Variants in DST observed in about 807,000 individuals in gnomAD.
DST encodes the protein dystonin.
Under a neutral mutation model 875.2 loss-of-function variants are expected in DST, and 253 were observed. The ratio of observed to expected loss-of-function variants is 0.29; its 90% CI spans 0.26 to 0.32. DST has a LOEUF of 0.32. DST is among the 10% of genes least tolerant of loss of function. DST has a pLI of 1.00. For missense variants in DST, 8,287 were observed against 9,111.6 expected (o/e 0.91, Z 3.68); for synonymous variants, 3,124 against 3,197.1 (o/e 0.98, Z 0.77).
In DST at chr6:56,666,687, C is replaced by T. The variant is rs118179060; in HGVS notation, c.1214+3954G>A. 1.7e-4 allele frequency among the ~76,000 whole-genome samples: 25 copies of T among 151,386 alleles called. No homozygotes were observed. In the East Asian group the frequency reaches 2.1e-3, roughly 13 times the overall value. On this transcript the variant is annotated intron_variant, in intron 10 of 103. Coordinates refer to ENST00000680361, the MANE Select transcript of DST (RefSeq NM_001374736.1). ...CAACAAATCCAAATACAGCACAAAACTTATGGGAATAATTATCAAGTAAAA... is the reference window on the plus strand; with the variant it reads ...CAACAAATCCAAATACAGCACAAAATTTATGGGAATAATTATCAAGTAAAA...
At chr6:56,552,036 G>A in intron 61 of DST, 148 bp downstream of exon 61, 1 of 876,458 alleles carries the variant, frequency 1.1e-6, no homozygotes, top group East Asian at 2.7e-5. Context: ...ACCTGCCTGG[G>A]TGTTACCCCC....
At chr6:56,588,016 T>G (rs1004500275) in intron 49 of DST, among the ~76,000 whole-genome samples, 1 of 150,956 alleles carries the variant, frequency 6.6e-6, no homozygotes, top group Non-Finnish European at 1.5e-5. Context: ...ACGAGCAAAA[T>G]AACCAGCTAA....
chr6:56,503,990 C>A lies in DST; in HGVS notation c.19566+7G>T, dbSNP rs2152462716. Reference sequence around the variant, plus strand: ...GGAGTCTTCGATAAATTAGCCCCCACACATACCTTTAGCTCTTCAATCTGC... The same window carrying A: ...GGAGTCTTCGATAAATTAGCCCCCAAACATACCTTTAGCTCTTCAATCTGC... On this transcript the variant is annotated splice_region_variant and intron_variant, in intron 78 of 103. Transcript: ENST00000680361. 1.3e-6 allele frequency: 2 copies of A among 1,598,542 alleles called. No individual in the cohort carries two copies. The highest frequency in any genetic ancestry group is 1.7e-6 in the Non-Finnish European group (2 of 1,172,072).
intron 10 of DST, among the ~76,000 whole-genome samples, chr6:56,661,027 A>T (rs2152812506): frequency 6.6e-6 from 1 of 152,002 alleles, no homozygotes; most frequent in African/African-American, 2.4e-5. Context: ...AATTTTAATG[A>T]ATACAGAGAA....
At chr6:56,474,305 G>A (rs2095055925) in intron 92 of DST, 1 of 208,754 alleles carries the variant, frequency 4.8e-6, no homozygotes, top group Non-Finnish European at 9.5e-6. Context: ...CCAATATGGT[G>A]AAACCCCATT....
intron 5 of DST, among the ~76,000 whole-genome samples, chr6:56,711,813 C>T (rs1339518574): frequency 6.6e-6 from 1 of 151,748 alleles, no homozygotes; most frequent in African/African-American, 2.4e-5. Context: ...AGGAGGTGGC[C>T]GGGCGCGGTG....
chr6:56,498,436 G>T (rs940643783), intron 80 of DST, among the ~76,000 whole-genome samples: 20 of 152,050 alleles, frequency 1.3e-4, no homozygotes, highest in Non-Finnish European at 2.8e-4. Flanking sequence ...CCCTAAATTT[G>T]CAACCTTCCT....
At chr6:56,925,234 TC>T (rs5876525) in intron 2 of DST, among the ~76,000 whole-genome samples, 2,254 of 152,346 alleles carry the variant, frequency 0.015, 28 homozygotes, top group Middle Eastern at 0.041. Flanking sequence ...TTGTTTTTTT[TC>T]ATAGGGATTA....
intron 9 of DST, among the ~76,000 whole-genome samples, chr6:56,694,115 T>C (rs2099249151): frequency 6.6e-6 from 1 of 150,450 alleles, no homozygotes. Flanking sequence ...TAGTTAAATA[T>C]TATACAGTTT....
intron 69 of DST, among the ~76,000 whole-genome samples, chr6:56,518,391 A>G (rs1471791289): frequency 2.0e-5 from 3 of 152,108 alleles, no homozygotes; most frequent in African/African-American, 7.2e-5. Flanking sequence ...TGTAAAAAAA[A>G]TGTCTGGGAT....
Position 56,824,640 on chromosome 6 carries a change from C to A in DST, c.625+26757G>T, listed in dbSNP as rs972587851. On this transcript the variant is annotated intron_variant, in intron 4 of 103. Coordinates refer to ENST00000680361, the MANE Select transcript of DST (RefSeq NM_001374736.1). ...GCTGCCCCGTCTGGGATGTGAGGAG[C>A]GCCTCTGACCGGCCGCGACCCCGTC... 6.0e-5 allele frequency among the ~76,000 whole-genome samples: 9 copies of A among 151,080 alleles called. 1 individual carries two copies. The South Asian group carries it at 1.9e-3, about 32-fold the overall frequency.
chr6:56,465,446 C>T (rs189483991), intron 99 of DST, among the ~76,000 whole-genome samples: 15 of 151,928 alleles, frequency 9.9e-5, no homozygotes, highest in Admixed American at 3.3e-4. Context: ...CCACGTGTAA[C>T]GTAAATTGGT....
intron 4 of DST, among the ~76,000 whole-genome samples, chr6:56,739,147 C>A (rs1287685589): frequency 6.7e-6 from 1 of 148,686 alleles, no homozygotes; most frequent in Admixed American, 6.8e-5. Flanking sequence ...TGCCTCTATG[C>A]GCTCAACAGA....
intron 37 of DST, among the ~76,000 whole-genome samples, 193 bp downstream of exon 37, chr6:56,614,163 A>C (rs1156434959): frequency 6.6e-6 from 1 of 152,236 alleles, no homozygotes; most frequent in African/African-American, 2.4e-5. Context: ...CTTTGGAATT[A>C]AACAGCTTCT....
At chr6:56,513,317 G>A (rs560711390) in intron 72 of DST, among the ~76,000 whole-genome samples, 10 of 149,526 alleles carry the variant, frequency 6.7e-5, no homozygotes, top group Admixed American at 6.0e-4. Flanking sequence ...CACAACCTCC[G>A]CCTCCCAGGT....
intron 2 of DST, among the ~76,000 whole-genome samples, chr6:56,910,650 A>G (rs1012783132): frequency 4.0e-5 from 6 of 151,564 alleles, no homozygotes; most frequent in Admixed American, 1.3e-4. Context: ...ACACCTGGCT[A>G]ATTTTTGTAT....
At chr6:56,656,173 G>T (rs1228382989) in intron 10 of DST, among the ~76,000 whole-genome samples, 1 of 152,208 alleles carries the variant, frequency 6.6e-6, no homozygotes, top group Non-Finnish European at 1.5e-5. Flanking sequence ...AAATCCACAT[G>T]GACCAGGGTA....
intron 3 of DST, among the ~76,000 whole-genome samples, chr6:56,863,657 G>A (rs1002802745): frequency 1.3e-5 from 2 of 152,106 alleles, no homozygotes; most frequent in Non-Finnish European, 2.9e-5. Context: ...CTCAACCGGG[G>A]ATTTCCAAGC....
At chr6:56,526,687 C>T in intron 68 of DST, 120 bp from the exon 69 acceptor site, 1 of 838,416 alleles carries the variant, frequency 1.2e-6, no homozygotes, top group Non-Finnish European at 1.8e-6. Context: ...CACTCCCCCC[C>T]TCCCTTAGTT....
Sources: allele counts gnomAD v4.1 joint callset (sites outside exome capture counted in the v4.1 genomes callset), GRCh38; gene constraint gnomAD v4.1.1; transcripts MANE v1.5; gene names NCBI Gene and HGNC (gene_info 2026-07-23, HGNC 2026-07-21).